Variants in EXT1 observed in about 807,000 individuals in gnomAD.
EXT1 encodes the protein exostosin-1.
EXT1 carries 20 observed loss-of-function variants against 82.5 expected under a neutral mutation model. That is an observed-to-expected ratio of 0.24 (90% confidence interval 0.17 to 0.35). EXT1 has a LOEUF of 0.35. EXT1 is among the 10% of genes least tolerant of loss of function. The pLI is 1.00. For missense variants in EXT1, 757 were observed against 936.5 expected, an observed-to-expected ratio of 0.81 and a Z score of 2.50; for synonymous variants, 348 against 350.8, an observed-to-expected ratio of 0.99 and a Z score of 0.09.
intron 1 of EXT1, among the ~76,000 whole-genome samples, chr8:117,964,791 C>T (rs1178893200): frequency 6.6e-6 from 1 of 152,080 alleles, no homozygotes. Flanking sequence ...GCGTGTGCCA[C>T]CATGCCTGGC....
chr8:117,822,912 C>CT (rs1206570106), intron 4 of EXT1, among the ~76,000 whole-genome samples: 1 of 152,130 alleles, frequency 6.6e-6, no homozygotes, highest in African/African-American at 2.4e-5. Context: ...AGCAGTTAGT[C>CT]TTTCCCTGAT....
intron 1 of EXT1, among the ~76,000 whole-genome samples, chr8:118,014,281 G>GA (rs36111740): frequency 0.021 from 3,139 of 152,062 alleles, 94 homozygotes; most frequent in African/African-American, 0.071. Context: ...GGATTTCTGG[G>GA]AAAAAATCTC....
intron 1 of EXT1, among the ~76,000 whole-genome samples, chr8:117,968,759 C>T (rs1586315642): frequency 9.3e-6 from 1 of 107,612 alleles, no homozygotes; most frequent in African/African-American, 6.3e-5. Flanking sequence ...TTAGTAGAGA[C>T]GGGGTTTCAC....
chr8:117,801,275 C>T (rs555373850), intron 10 of EXT1, among the ~76,000 whole-genome samples: 6 of 152,316 alleles, frequency 3.9e-5, no homozygotes, highest in Admixed American at 6.5e-5. Flanking sequence ...CAGGTAATAA[C>T]ATCCCCATTT....
At chr8:118,107,891 A>G (rs1051500964) in intron 1 of EXT1, among the ~76,000 whole-genome samples, 1 of 152,200 alleles carries the variant, frequency 6.6e-6, no homozygotes, top group Admixed American at 6.5e-5. Context: ...AAAGGGGAAC[A>G]TAATGAAAAT....
intron 1 of EXT1, among the ~76,000 whole-genome samples, chr8:117,887,100 T>C (rs1246748718): frequency 6.6e-6 from 1 of 152,198 alleles, no homozygotes; most frequent in Non-Finnish European, 1.5e-5. Flanking sequence ...AAAGCTTTCT[T>C]GTCATAAAAT....
intron 1 of EXT1, among the ~76,000 whole-genome samples, chr8:117,910,203 T>C (rs2129987959): frequency 6.6e-6 from 1 of 152,210 alleles, no homozygotes; most frequent in South Asian, 2.1e-4. Flanking sequence ...AATAGACTAG[T>C]CATCATTTTC....
chr8:118,062,648 G>A (rs1816901795), intron 1 of EXT1, among the ~76,000 whole-genome samples: 1 of 152,130 alleles, frequency 6.6e-6, no homozygotes, highest in South Asian at 2.1e-4. Context: ...AGATGACCTG[G>A]GAAGAATAAT....
At chr8:117,914,044 A>AAGT (rs1813700854) in intron 1 of EXT1, among the ~76,000 whole-genome samples, 1 of 152,168 alleles carries the variant, frequency 6.6e-6, no homozygotes, top group Non-Finnish European at 1.5e-5. Flanking sequence ...CTTAACTTCT[A>AAGT]AGGGTAGGGT....
intron 1 of EXT1, among the ~76,000 whole-genome samples, chr8:117,914,728 T>C (rs1813714163): frequency 6.6e-6 from 1 of 152,196 alleles, no homozygotes; most frequent in African/African-American, 2.4e-5. Flanking sequence ...GGAAAAACTC[T>C]GCCCTGATAA....
chr8:117,835,695 G>A (rs1812178622), intron 2 of EXT1, 144 bp from the exon 3 acceptor site: 1 of 682,682 alleles, frequency 1.5e-6, no homozygotes, highest in African/African-American at 1.8e-5. Context: ...AGGAAAGGAA[G>A]CTTTTATGAG....
rs780086950 is a variant in EXT1, at chr8:118,110,732, A to G, written c.315T>C (p.Asp105=). The G allele has an allele frequency of 1.5e-5, 24 of 1,613,974 alleles. No individual in the cohort carries two copies. Among genetic ancestry groups the G allele is most frequent in the Middle Eastern group, 1.6e-4 (1 of 6,082 alleles). The stretch of plus-strand genomic sequence containing the variant: ...AGCCGTTTTTCTTGCAAAGGGTGAA[A>G]TCGAAGCAGGACTCCATGCGGCACT... ...GKKCRMESCF[D]FTLCKKNGFK... is the part of the protein sequence containing the mutation. The change falls in exon 1 of 11, where the codon GAT becomes GAC. Residue 105 remains aspartate (D), a synonymous_variant. Transcript: ENST00000378204.
At chr8:117,831,914 A>T (rs1812106197) in intron 3 of EXT1, among the ~76,000 whole-genome samples, 1 of 152,204 alleles carries the variant, frequency 6.6e-6, no homozygotes. Flanking sequence ...ACACTGAAAA[A>T]ACAGAGGCAA....
rs112383435 is a variant in EXT1, at chr8:117,872,661, T to C, written c.963-35460A>G. ...AGCTGATTTTGTTATTTATCTTTTA[T>C]TCAAGACAAATTATTATTTTGATTA... On this transcript the variant is annotated intron_variant, in intron 1 of 10. Coordinates refer to ENST00000378204, the MANE Select transcript of EXT1 (RefSeq NM_000127.3). 1.8e-4 allele frequency among the ~76,000 whole-genome samples: 27 copies of C among 152,308 alleles called. No homozygotes were observed. The South Asian group carries it at 2.3e-3, about 13-fold the overall frequency.
intron 1 of EXT1, among the ~76,000 whole-genome samples, chr8:117,891,845 C>A (rs1411615932): frequency 7.8e-6 from 1 of 128,858 alleles, no homozygotes; most frequent in East Asian, 2.3e-4. Flanking sequence ...CTTGCTCTGT[C>A]GCCCAGGCTG....
chr8:117,950,545 T>C (rs1033761147), intron 1 of EXT1, among the ~76,000 whole-genome samples: 23 of 152,112 alleles, frequency 1.5e-4, no homozygotes, highest in African/African-American at 4.1e-4. Flanking sequence ...TTGGTCAAGA[T>C]AGGATAACAC....
At chr8:118,074,948 T>C (rs1313750872) in intron 1 of EXT1, among the ~76,000 whole-genome samples, 1 of 152,132 alleles carries the variant, frequency 6.6e-6, no homozygotes, top group African/African-American at 2.4e-5. Context: ...GGCTGTGGGT[T>C]TTATTCAGAC....
chr8:118,022,057 C>A (rs552291270), intron 1 of EXT1, among the ~76,000 whole-genome samples: 2 of 152,158 alleles, frequency 1.3e-5, no homozygotes, highest in South Asian at 2.1e-4. Context: ...TTGGTCAATG[C>A]GTAGAGAGAG....
chr8:117,804,501 G>A (rs1823209233), intron 10 of EXT1, among the ~76,000 whole-genome samples: 2 of 152,168 alleles, frequency 1.3e-5, no homozygotes, highest in South Asian at 4.1e-4. Context: ...AAGATTATAG[G>A]AGAGCTTTAC....
Sources: gnomAD v4.1 joint callset for allele counts (sites outside exome capture counted in the v4.1 genomes callset) on GRCh38, gnomAD v4.1.1 for gene constraint, MANE v1.5 for transcripts, NCBI Gene and HGNC (gene_info 2026-07-23, HGNC 2026-07-21) for gene names.